Variants in CERS3 observed in about 807,000 individuals in gnomAD.
CERS3 encodes the protein LAG1 homolog, ceramide synthase 3.
In CERS3, 33 loss-of-function variants were observed where a neutral mutation model predicts 50.3. The observed-to-expected ratio is 0.66, with a 90% CI of 0.50 to 0.88. The LOEUF (loss-of-function observed/expected upper bound fraction) is 0.88, where lower values mean the gene tolerates loss of function less well. CERS3 is among the 40% of genes least tolerant of loss of function. The probability of loss-of-function intolerance (pLI) is 0.00; values close to 1 mark genes in which losing one functional copy is unlikely to be tolerated. For synonymous variants in CERS3, 176 were observed against 155.2 expected (o/e 1.13, Z -0.99); for missense variants, 470 against 460.3 (o/e 1.02, Z -0.19).
intron 2 of CERS3, among the ~76,000 whole-genome samples, chr15:100,509,215 C>T (rs1029188571): frequency 2.6e-5 from 4 of 152,262 alleles, no homozygotes; most frequent in Non-Finnish European, 5.9e-5. Flanking sequence ...CTCAGATGGA[C>T]GCCATTCCAT....
upstream of CERS3, among the ~76,000 whole-genome samples, chr15:100,531,080 G>A (rs1031020134): frequency 2.6e-5 from 4 of 151,860 alleles, no homozygotes; most frequent in Non-Finnish European, 5.9e-5. Flanking sequence ...TGAGACTCCT[G>A]TCTCAAAAAA....
At chr15:100,498,402 G>A (rs1405772051) in intron 3 of CERS3, among the ~76,000 whole-genome samples, 1 of 152,024 alleles carries the variant, frequency 6.6e-6, no homozygotes, top group Non-Finnish European at 1.5e-5. Context: ...AAGAGATAAG[G>A]GAAATTGTAA....
chr15:100,501,137 G>C (rs1352289233), intron 3 of CERS3, among the ~76,000 whole-genome samples: 1 of 152,178 alleles, frequency 6.6e-6, no homozygotes, highest in African/African-American at 2.4e-5. Flanking sequence ...CAAACTGATA[G>C]TTTTTCTCTT....
intron 11 of CERS3, among the ~76,000 whole-genome samples, chr15:100,443,408 C>T (rs1483073638): frequency 1.3e-5 from 2 of 148,746 alleles, no homozygotes; most frequent in Admixed American, 1.4e-4. Context: ...ACCAGACAAG[C>T]CTTACAAGTT....
intron 3 of CERS3, among the ~76,000 whole-genome samples, chr15:100,497,432 G>T (rs72759155): frequency 0.041 from 6,281 of 151,918 alleles, 178 homozygotes; most frequent in Non-Finnish European, 0.055. Context: ...CTAGTAGCTG[G>T]AAAATTTTAG....
At chr15:100,433,866 C>T (rs2033264151) in intron 11 of CERS3, among the ~76,000 whole-genome samples, 3 of 152,280 alleles carry the variant, frequency 2.0e-5, no homozygotes, top group Non-Finnish European at 2.9e-5. Context: ...TCCCCCATTA[C>T]TCTCTTCCTC....
intron 9 of CERS3, among the ~76,000 whole-genome samples, chr15:100,470,029 CT>C (rs1236438960): frequency 6.6e-6 from 1 of 152,154 alleles, no homozygotes; most frequent in Non-Finnish European, 1.5e-5. Context: ...TTTCCTAATT[CT>C]TTTATGCTAG....
intron 4 of CERS3, 106 bp downstream of exon 4, chr15:100,490,711 G>C: frequency 1.4e-6 from 1 of 697,504 alleles, no homozygotes; most frequent in Non-Finnish European, 2.5e-6. Flanking sequence ...CAGATCATTT[G>C]CTGGTCAACT....
intron 3 of CERS3, among the ~76,000 whole-genome samples, chr15:100,494,307 G>C (rs2035747268): frequency 6.9e-6 from 1 of 145,242 alleles, no homozygotes; most frequent in Non-Finnish European, 1.5e-5. Context: ...GAGTGCAGTG[G>C]CATGATCTCA....
At chr15:100,502,928 T>C (rs1352558468) in intron 2 of CERS3, among the ~76,000 whole-genome samples, 1 of 152,040 alleles carries the variant, frequency 6.6e-6, no homozygotes, top group Non-Finnish European at 1.5e-5. Flanking sequence ...GAACAATAAG[T>C]GGACATAAGC....
chr15:100,476,006 C>T (rs965103065), intron 8 of CERS3, 80 bp downstream of exon 8: 3 of 887,690 alleles, frequency 3.4e-6, no homozygotes, highest in Non-Finnish European at 5.1e-6. Flanking sequence ...AAAAATACAA[C>T]TTAAAGATTA....
At chr15:100,429,699 T>A (rs552313621) in intron 11 of CERS3, among the ~76,000 whole-genome samples, 25 of 152,226 alleles carry the variant, frequency 1.6e-4, no homozygotes, top group African/African-American at 4.8e-4. Flanking sequence ...CATTCCCCCA[T>A]CCTTCAGTTG....
chr15:100,428,106 A>G (rs1361388428), intron 11 of CERS3, among the ~76,000 whole-genome samples: 5 of 152,210 alleles, frequency 3.3e-5, no homozygotes, highest in Non-Finnish European at 4.4e-5. Flanking sequence ...TGGGATTACA[A>G]CTGACAAATT....
At chr15:100,438,192 A>C (rs7168281) in intron 11 of CERS3, among the ~76,000 whole-genome samples, 1 of 151,062 alleles carries the variant, frequency 6.6e-6, no homozygotes, top group African/African-American at 2.4e-5. Context: ...TTACAGGCCC[A>C]CACCACCACG....
Position 100,484,666 on chromosome 15 carries a change from A to G in CERS3, c.291T>C (p.Thr97=), listed in dbSNP as rs776379241. ...ACTTCTTTGCCAGTCCATAAATATC[A>G]GTCTGAAAAGGGATGAAACGCATAA... ...FKHSTRQPLQ[T]DIYGLAKKCN... The change falls in exon 5 of 12, where the codon ACT becomes ACC. Residue 97 remains threonine, a splice_region_variant and synonymous_variant. Transcript: ENST00000679737. 2 of 1,605,698 alleles carry G rather than the reference A, an allele frequency of 1.2e-6. No homozygotes were observed. Among genetic ancestry groups the G allele is most frequent in the Admixed American group, 1.7e-5 (1 of 60,024 alleles).
upstream of CERS3, among the ~76,000 whole-genome samples, chr15:100,530,569 A>G (rs1305523044): frequency 1.3e-5 from 2 of 152,092 alleles, no homozygotes; most frequent in Non-Finnish European, 2.9e-5. Context: ...AACTTAACTG[A>G]TTTTTGTATC....
At chr15:100,477,317 G>A (rs1430421581) in intron 7 of CERS3, among the ~76,000 whole-genome samples, 1 of 152,168 alleles carries the variant, frequency 6.6e-6, no homozygotes, top group Non-Finnish European at 1.5e-5. Context: ...ATTCTTTAAT[G>A]CTGAGGCTAA....
intron 10 of CERS3, among the ~76,000 whole-genome samples, chr15:100,456,843 A>T (rs947422816): frequency 6.6e-6 from 1 of 151,114 alleles, no homozygotes; most frequent in African/African-American, 2.4e-5. Context: ...GCTACTGGGG[A>T]GGCTGAGGCA....
chr15:100,491,684 A>T (rs1043802926), intron 3 of CERS3, among the ~76,000 whole-genome samples: 1 of 152,122 alleles, frequency 6.6e-6, no homozygotes, highest in Non-Finnish European at 1.5e-5. Flanking sequence ...CTTCATTTTA[A>T]ATATAGGTGT....
Sources: allele counts gnomAD v4.1 joint callset (sites outside exome capture counted in the v4.1 genomes callset), GRCh38; gene constraint gnomAD v4.1.1; transcripts MANE v1.5; gene names NCBI Gene and HGNC (gene_info 2026-07-23, HGNC 2026-07-21).